The following ACOXL variants were observed in gnomAD, a reference collection of about 807,000 sequenced individuals.
ACOXL encodes the protein acyl-CoA oxidase like.
ACOXL carries 70 observed loss-of-function variants against 71.9 expected under a neutral mutation model. The observed-to-expected ratio is 0.97, with a 90% CI of 0.80 to 1.19. ACOXL has a LOEUF of 1.19. Ranked by LOEUF, ACOXL falls within the 50% of genes most tolerant of loss-of-function variation. ACOXL has a pLI of 0.00. For missense variants in ACOXL, 703 were observed against 736.3 expected, an observed-to-expected ratio of 0.95 and a Z score of 0.52; for synonymous variants, 253 against 281.6, an observed-to-expected ratio of 0.90 and a Z score of 1.02.
At chr2:110,805,518 G>A (rs1281479645) in intron 9 of ACOXL, 123 bp downstream of exon 9, 20 of 1,370,488 alleles carry the variant, frequency 1.5e-5, no homozygotes, top group Middle Eastern at 2.3e-4. Context: ...CAGGGTTCCC[G>A]GTTAGATGCT....
intron 11 of ACOXL, among the ~76,000 whole-genome samples, chr2:110,929,476 A>G (rs1365191373): frequency 1.3e-5 from 2 of 152,234 alleles, no homozygotes; most frequent in South Asian, 2.1e-4. Context: ...AACAGTATAA[A>G]TGCTCAGAAA....
intron 17 of ACOXL, among the ~76,000 whole-genome samples, chr2:111,115,173 T>C (rs532630343): frequency 3.9e-5 from 6 of 152,316 alleles, no homozygotes; most frequent in Non-Finnish European, 7.3e-5. Flanking sequence ...TGAAGTACTT[T>C]GTCCAGCATA....
At chr2:110,749,578 A>G (rs1678661417) in intron 1 of ACOXL, among the ~76,000 whole-genome samples, 1 of 152,144 alleles carries the variant, frequency 6.6e-6, no homozygotes, top group African/African-American at 2.4e-5. Flanking sequence ...ATACAAAAAC[A>G]TTAGCTGGGC....
At chr2:110,979,350 C>G (rs2062602369) in intron 12 of ACOXL, among the ~76,000 whole-genome samples, 1 of 152,162 alleles carries the variant, frequency 6.6e-6, no homozygotes, top group African/African-American at 2.4e-5. Flanking sequence ...TCTGGATTAT[C>G]TCATCAGTGT....
At chr2:110,880,174 AAAAG>A (rs1696467708) in intron 10 of ACOXL, among the ~76,000 whole-genome samples, 1 of 148,748 alleles carries the variant, frequency 6.7e-6, no homozygotes, top group Non-Finnish European at 1.5e-5. Flanking sequence ...AAAAAAAAAG[AAAAG>A]AAAAGAAAGG....
intron 9 of ACOXL, among the ~76,000 whole-genome samples, chr2:110,814,007 G>A (rs543728975): frequency 2.6e-5 from 4 of 152,274 alleles, no homozygotes; most frequent in East Asian, 1.9e-4. Flanking sequence ...TGCTGGAGTG[G>A]CTTTGTAGTC....
intron 11 of ACOXL, among the ~76,000 whole-genome samples, chr2:110,929,934 C>A (rs1417807681): frequency 1.3e-5 from 2 of 152,218 alleles, no homozygotes; most frequent in Admixed American, 6.5e-5. Flanking sequence ...CCTGGATGTC[C>A]AGGCATAAGT....
intron 10 of ACOXL, among the ~76,000 whole-genome samples, chr2:110,897,749 C>G: frequency 6.6e-6 from 1 of 150,384 alleles, no homozygotes; most frequent in East Asian, 1.9e-4. Flanking sequence ...TAAAGACAAG[C>G]GCAGAAATCA....
chr2:111,101,639 C>G (rs2069168762), intron 17 of ACOXL, among the ~76,000 whole-genome samples: 1 of 150,120 alleles, frequency 6.7e-6, no homozygotes. Flanking sequence ...CTGTTTTTCT[C>G]TGTAATGAAT....
At chr2:111,057,796 A>G (rs2066620110) in intron 16 of ACOXL, among the ~76,000 whole-genome samples, 1 of 152,274 alleles carries the variant, frequency 6.6e-6, no homozygotes, top group South Asian at 2.1e-4. Flanking sequence ...CACAGATGGC[A>G]GCAGTATATG....
chr2:110,950,349 A>G (rs1354837125), intron 12 of ACOXL, among the ~76,000 whole-genome samples: 1 of 152,200 alleles, frequency 6.6e-6, no homozygotes. Flanking sequence ...ACTGACCTTC[A>G]TCACTGATAA....
intron 9 of ACOXL, among the ~76,000 whole-genome samples, chr2:110,818,156 A>G (rs1688137073): frequency 6.6e-6 from 1 of 151,846 alleles, no homozygotes; most frequent in Non-Finnish European, 1.5e-5. Context: ...GCACTTTGGG[A>G]GGTCAAGTCG....
intron 12 of ACOXL, among the ~76,000 whole-genome samples, chr2:110,943,012 AAG>A (rs1218691123): frequency 1.4e-5 from 2 of 145,200 alleles, no homozygotes; most frequent in Non-Finnish European, 1.5e-5. Flanking sequence ...GAAGGAAAGA[AAG>A]AGAAAGGAAG....
At chr2:111,093,343 TG>T in intron 17 of ACOXL, 1 of 941,860 alleles carries the variant, frequency 1.1e-6, no homozygotes, top group Non-Finnish European at 1.6e-6. Context: ...GTGGTAGCCA[TG>T]GGGAATTCAA....
chr2:110,901,730 A>G (rs1018250771), intron 10 of ACOXL, among the ~76,000 whole-genome samples: 1 of 152,004 alleles, frequency 6.6e-6, no homozygotes, highest in African/African-American at 2.4e-5. Flanking sequence ...AGATGGATTG[A>G]AAGTTGCCCA....
chr2:110,774,311 A>G (rs1288746425), intron 2 of ACOXL, among the ~76,000 whole-genome samples: 1 of 152,192 alleles, frequency 6.6e-6, no homozygotes, highest in Non-Finnish European at 1.5e-5. Context: ...TAAACAAAGT[A>G]AATTTCTGGT....
At chr2:110,856,908 G>C (rs1693324139) in intron 10 of ACOXL, among the ~76,000 whole-genome samples, 1 of 152,216 alleles carries the variant, frequency 6.6e-6, no homozygotes, top group Non-Finnish European at 1.5e-5. Flanking sequence ...ATTTTTCTAA[G>C]ACTCAGATGA....
intron 12 of ACOXL, among the ~76,000 whole-genome samples, chr2:110,981,959 A>G (rs1341465824): frequency 6.6e-6 from 1 of 152,198 alleles, no homozygotes; most frequent in African/African-American, 2.4e-5. Flanking sequence ...AGGGGAAACC[A>G]CTTTATATCT....
At chr2:110,840,339 C>T (rs1436519123) in intron 9 of ACOXL, among the ~76,000 whole-genome samples, 1 of 152,094 alleles carries the variant, frequency 6.6e-6, no homozygotes, top group Non-Finnish European at 1.5e-5. Flanking sequence ...TTGGAATGTA[C>T]TAACATTTCA....
Sources: allele counts gnomAD v4.1 joint callset (sites outside exome capture counted in the v4.1 genomes callset), GRCh38; gene constraint gnomAD v4.1.1; transcripts MANE v1.5; gene names NCBI Gene and HGNC (gene_info 2026-07-23, HGNC 2026-07-21).